The following NEB variants were observed in gnomAD, a reference collection of about 807,000 sequenced individuals.
The protein encoded by NEB is nebulin, also known as nemaline myopathy type 2.
In NEB, 512 loss-of-function variants were observed where a neutral mutation model predicts 952.2. The ratio of observed to expected loss-of-function variants is 0.54; its 90% CI spans 0.50 to 0.58. The LOEUF is 0.58. Among genes scored for constraint, NEB ranks in the 20% least tolerant of loss-of-function variants. NEB has a pLI of 0.00. For missense variants in NEB, 8,428 were observed against 9,231.1 expected (o/e 0.91, Z 3.56); for synonymous variants, 2,900 against 3,149.8 (o/e 0.92, Z 2.66).
Position 151,629,577 on chromosome 2 carries a change from T to G in NEB, c.9793A>C (p.Ile3265Leu), listed in dbSNP as rs752606341. 1.2e-6 allele frequency: 2 copies of G among 1,613,842 alleles called. No homozygotes were observed. Among genetic ancestry groups the G allele is most frequent in the Admixed American group, 3.3e-5 (2 of 60,016 alleles). The stretch of plus-strand genomic sequence containing the variant: ...TCCCTGGAGGCCTTGGCAGCCACGA[T>G]GGGGATGGCGTCACTTCGCAAGTCG... ...GYDLRSDAIP[I>L]VAAKASRDVI... The change falls in exon 68 of 182, where the codon ATC (isoleucine) becomes CTC (leucine). Residue 3265 changes from isoleucine (I) to leucine (L), a missense_variant. By Grantham distance (5) the Ile-to-Leu change is conservative. Coordinates refer to ENST00000397345, the MANE Select transcript of NEB (RefSeq NM_001164508.2).
rs751361823 is a variant in NEB at position 151,621,262 on chromosome 2, G to A, written c.10453-236C>T. ...CTCTCTTTGCACAAATCTTTTACAC[G>A]TTATACATTAAATGAACACCTCTTA... On this transcript the variant is annotated intron_variant, in intron 71 of 181. Transcript: ENST00000397345. Among the ~76,000 whole-genome samples, 5 of 152,190 alleles carry A rather than the reference G, an allele frequency of 3.3e-5. No individual in the cohort carries two copies. In the South Asian group the frequency reaches 8.3e-4, roughly 25 times the overall value.
rs564509638 is a variant in NEB, at chr2:151,697,410, T to C, written c.1305A>G (p.Val435=). The C allele has an allele frequency of 1.2e-6, 2 of 1,613,958 alleles. No individual in the cohort carries two copies. Among genetic ancestry groups the C allele is most frequent in the Admixed American group, 1.7e-5 (1 of 60,032 alleles). ...SYLKDILGHY[V]GSFEDPYHSH... The stretch of plus-strand genomic sequence containing the variant: ...AATGGTATGGATCCTCGAAGCTGCC[T>C]ACATAATGTCCCAAAATATCTTTTA... Residue 435 remains valine (V), a synonymous_variant, in exon 15 of 182, where the codon GTA becomes GTG. Coordinates refer to ENST00000397345, the MANE Select transcript of NEB (RefSeq NM_001164508.2).
In NEB at chr2:151,631,956, T is replaced by C. The variant is rs540146839; in HGVS notation, c.9415-610A>G. Among the ~76,000 whole-genome samples the C allele has an allele frequency of 2.4e-4, 37 of 152,260 alleles. No homozygotes were observed. The South Asian group carries it at 7.7e-3, about 32-fold the overall frequency. ...AATGCCTTTAAAAACACAGTTAAAA[T>C]ATAACAGTGCTGTAGAACCCCTGAA... On this transcript the variant is annotated intron_variant, in intron 65 of 181. Transcript: ENST00000397345.
In NEB at chr2:151,561,189, G is replaced by A; in HGVS notation, c.19101+19C>T. The A allele has an allele frequency of 6.3e-7, 1 of 1,590,640 alleles. No homozygotes were observed. Among genetic ancestry groups the A allele is most frequent in the Non-Finnish European group, 8.6e-7 (1 of 1,163,332 alleles). ...CAAGAAATAGTTTGTCCCTGGAAGAGGAGTACAGGAAGACGCACCTCACTG... is the reference window on the plus strand; with the variant it reads ...CAAGAAATAGTTTGTCCCTGGAAGAAGAGTACAGGAAGACGCACCTCACTG... On this transcript the variant is annotated intron_variant, in intron 122 of 181. Coordinates refer to ENST00000397345, the MANE Select transcript of NEB (RefSeq NM_001164508.2).
At chr2:151,630,591 T>C (rs555736662) in intron 67 of NEB, 124 bp downstream of exon 67, 4 of 693,686 alleles carry the variant, frequency 5.8e-6, no homozygotes, top group East Asian at 5.6e-5. Context: ...AGATGAAAGG[T>C]TGGATGAGTG....
In NEB at chr2:151,697,475, CTTCA is replaced by C; in HGVS notation, c.1258-22_1258-19del. Reference sequence around the variant, plus strand: ...TATTTTTTCTGCAAGACAAAACATACTTCATTTATTAATTGGTGAAATAATGGGT... The same window carrying C: ...TATTTTTTCTGCAAGACAAAACATACTTTATTAATTGGTGAAATAATGGGT... On this transcript the variant is annotated intron_variant, in intron 14 of 181. Coordinates refer to ENST00000397345, the MANE Select transcript of NEB (RefSeq NM_001164508.2). 6.2e-7 allele frequency: 1 copy of C among 1,606,344 alleles called. No homozygotes were observed. The highest frequency in any genetic ancestry group is 1.1e-5 in the South Asian group (1 of 90,064).
intron 145 of NEB, 115 bp from the exon 146 acceptor site, chr2:151,529,429 G>A (rs564874548): frequency 2.4e-5 from 17 of 712,392 alleles, no homozygotes; most frequent in East Asian, 8.1e-5. Flanking sequence ...TCCTTAAGAC[G>A]GAATTTTAAA....
chr2:151,729,591 A>C (rs766452933), intron 4 of NEB, 24 bp downstream of exon 4: 1 of 1,611,920 alleles, frequency 6.2e-7, no homozygotes, highest in Non-Finnish European at 8.5e-7. Context: ...AATGCAGTTT[A>C]TGCAGCTGTG....
intron 133 of NEB, among the ~76,000 whole-genome samples, chr2:151,547,186 TG>T (rs1305614021): frequency 1.1e-4 from 16 of 152,252 alleles, no homozygotes; most frequent in Admixed American, 1.3e-4. Context: ...TGTAGAATGG[TG>T]GTCACTGAGT....
At position 151,500,786 on chromosome 2, in the gene NEB, A is replaced by G. The variant is rs183619728; in HGVS notation, c.24021+605T>C. Among the ~76,000 whole-genome samples the G allele has an allele frequency of 1.6e-4, 25 of 151,990 alleles. No individual in the cohort carries two copies. In the East Asian group the frequency reaches 4.7e-3, roughly 28 times the overall value. On this transcript the variant is annotated intron_variant, in intron 168 of 181. Transcript: ENST00000397345. ...CTAATTTTTTCTATTTTTAGCAGAG[A>G]TGGAATTTCACCATGTTGGCTAGGC...
At chr2:151,517,800 T>C (rs2078775760) in intron 156 of NEB, among the ~76,000 whole-genome samples, 1 of 152,242 alleles carries the variant, frequency 6.6e-6, no homozygotes, top group African/African-American at 2.4e-5. Flanking sequence ...TTTAAAATGG[T>C]ACACCTGCAT....
intron 67 of NEB, among the ~76,000 whole-genome samples, chr2:151,629,881 TATC>T (rs2098627184): frequency 6.6e-6 from 1 of 152,124 alleles, no homozygotes; most frequent in Admixed American, 6.5e-5. Context: ...ACCTATTATA[TATC>T]ATTATAGATT....
At chr2:151,552,585 C>T (rs115480336) in intron 128 of NEB, 87 bp downstream of exon 128, 1 of 854,478 alleles carries the variant, frequency 1.2e-6, no homozygotes, top group Non-Finnish European at 1.9e-6. Flanking sequence ...AGACTTGGCA[C>T]TGCCCAGTCT....
At position 151,672,439 on chromosome 2, in the gene NEB, T is replaced by C. The variant is rs758328454; in HGVS notation, c.4229A>G (p.His1410Arg). Residue 1410 changes from histidine (H) to arginine (R), a missense_variant, in exon 37 of 182, where the codon CAT becomes CGT. Coordinates refer to ENST00000397345, the MANE Select transcript of NEB (RefSeq NM_001164508.2). ...ATNVNYKQPLHHYTYLPDAMS... is the reference protein window; with the variant it reads ...ATNVNYKQPLRHYTYLPDAMS... ...GGCGTCAGGTAGGTATGTGTAATGA[T>C]GCAATGGCTGTTTGTAGTTGACATT... The C allele has an allele frequency of 1.2e-6, 2 of 1,613,884 alleles. No homozygotes were observed. Among genetic ancestry groups the C allele is most frequent in the African/African-American group, 1.3e-5 (1 of 74,944 alleles).
In NEB at chr2:151,514,891, C is replaced by A. The variant is rs1026330640; in HGVS notation, c.22943G>T (p.Gly7648Val). Residue 7648 changes from glycine to valine, a missense_variant, in exon 158 of 182, where the codon GGC (glycine) becomes GTC (valine). Gly to Val is a moderately radical substitution (Grantham distance 109). Around this residue, in one of 11 missense-constraint regions of NEB, gnomAD observed 3,374 missense variants for 3,651.5 expected, o/e 0.92. Coordinates refer to ENST00000397345, the MANE Select transcript of NEB (RefSeq NM_001164508.2). ...YRKDYEESIK[G>V]RNLTGLEVTP... ...GACCTCCAGGCCAGTCAGGTTTCTG[C>A]CTTTAATGGACTCTTCATAATCTTT... The A allele has an allele frequency of 6.3e-7, 1 of 1,584,656 alleles. No homozygotes were observed. The highest frequency in any genetic ancestry group is 1.3e-5 in the African/African-American group (1 of 74,612).
rs946740403 is a variant in NEB, at chr2:151,698,166, A to G, written c.1153-518T>C. Among the ~76,000 whole-genome samples the G allele has an allele frequency of 3.3e-5, 5 of 152,264 alleles. No homozygotes were observed. The East Asian group carries it at 5.8e-4, about 18-fold the overall frequency. ...TAAGACTGTTCTGTTAGCAATTATT[A>G]TAAGGCCTAAGTTTCATACATTCCA... On this transcript the variant is annotated intron_variant, in intron 13 of 181. Transcript: ENST00000397345.
At chr2:151,669,295 T>C (rs947826108) in intron 38 of NEB, among the ~76,000 whole-genome samples, 164 bp from the exon 39 acceptor site, 3 of 152,156 alleles carry the variant, frequency 2.0e-5, no homozygotes, top group African/African-American at 7.2e-5. Flanking sequence ...GCATTTATGT[T>C]CCCATTCTAC....
At chr2:151,724,588 C>T (rs1310845213) in intron 7 of NEB, among the ~76,000 whole-genome samples, 1 of 152,222 alleles carries the variant, frequency 6.6e-6, no homozygotes, top group Non-Finnish European at 1.5e-5. Flanking sequence ...TCCTCAGCTT[C>T]TTTGGTGACA....
Position 151,665,414 on chromosome 2 carries a change from G to A in NEB, c.5157C>T (p.His1719=), listed in dbSNP as rs780224782. The change falls in exon 42 of 182, where the codon CAC becomes CAT. Residue 1719 remains histidine, a synonymous_variant. Coordinates refer to ENST00000397345, the MANE Select transcript of NEB (RefSeq NM_001164508.2). ...EILSEKKYRQ[H]PEKLKFTYAM... is the part of the protein sequence containing the mutation. ...CGTAAGTGAACTTCAGCTTCTCGGGGTGCTGGCGATACTTCTTCTCACTAA... is the reference window on the plus strand; with the variant it reads ...CGTAAGTGAACTTCAGCTTCTCGGGATGCTGGCGATACTTCTTCTCACTAA... The A allele has an allele frequency of 3.7e-6, 6 of 1,613,612 alleles. No individual in the cohort carries two copies. In the East Asian group the frequency reaches 1.3e-4, roughly 36 times the overall value.
Sources: allele counts gnomAD v4.1 joint callset (sites outside exome capture counted in the v4.1 genomes callset), GRCh38; gene constraint gnomAD v4.1.1; regional missense constraint gnomAD v4.1.1; transcripts MANE v1.5; gene names NCBI Gene and HGNC (gene_info 2026-07-23, HGNC 2026-07-21).